Variants in ASPSCR1 observed in about 807,000 individuals in gnomAD.
The protein encoded by ASPSCR1 is ASPSCR1 tether for SLC2A4, UBX domain containing, also known as tether containing UBX domain for GLUT4.
ASPSCR1 carries 55 observed loss-of-function variants against 68.9 expected under a neutral mutation model. The ratio of observed to expected loss-of-function variants is 0.80; its 90% CI spans 0.64 to 1.00. The LOEUF is 1.00. ASPSCR1 is among the 50% of genes least tolerant of loss of function. ASPSCR1 has a pLI of 0.00. For missense variants in ASPSCR1, 765 were observed against 762.2 expected (o/e 1.00, Z -0.04); for synonymous variants, 352 against 332.6 (o/e 1.06, Z -0.63).
chr17:81,996,770 A>G lies in ASPSCR1; in HGVS notation c.857A>G (p.Lys286Arg). ...GGCCCCTCCAAGCCAAAGAAGTCCA[A>G]GTCGGGCCAGGATCCCCAGCAGGAG... ...PGGPSKPKKS[K>R]SGQDPQQEQE... The change falls in exon 7 of 16, where the codon AAG becomes AGG. Residue 286 changes from lysine (K) to arginine (R), a missense_variant. Physicochemically the swap from Lys to Arg is conservative, Grantham distance 26. Coordinates refer to ENST00000306739, the MANE Select transcript of ASPSCR1 (RefSeq NM_024083.4). 6.2e-7 allele frequency: 1 copy of G among 1,612,404 alleles called. No homozygotes were observed.
At chr17:81,978,727 G>A (rs1025763704) in intron 1 of ASPSCR1, 2 of 208,176 alleles carry the variant, frequency 9.6e-6, no homozygotes, top group African/African-American at 2.3e-5. Context: ...GAGGCTGCGC[G>A]GGACCCCTTG....
chr17:82,012,532 TGAGGCCGCTTG>T (rs1388595867), intron 12 of ASPSCR1, among the ~76,000 whole-genome samples: 1 of 152,092 alleles, frequency 6.6e-6, no homozygotes, highest in Non-Finnish European at 1.5e-5. Context: ...CTGCCTGAAC[TGAGGCCGCTTG>T]GAGGTCTCGG....
chr17:81,989,792 C>T (rs1308155946), intron 4 of ASPSCR1, among the ~76,000 whole-genome samples: 2 of 152,178 alleles, frequency 1.3e-5, no homozygotes, highest in African/African-American at 2.4e-5. Context: ...AGCCACACGT[C>T]GGCCATGGAG....
intron 8 of ASPSCR1, 25 bp downstream of exon 8, chr17:82,009,216 G>A (rs775666841): frequency 1.1e-5 from 17 of 1,578,570 alleles, no homozygotes; most frequent in Middle Eastern, 1.7e-4. Flanking sequence ...AGTGCCTCCC[G>A]GCATCTTCGC....
intron 3 of ASPSCR1, among the ~76,000 whole-genome samples, chr17:81,985,116 G>C (rs1324615431): frequency 7.3e-6 from 1 of 136,136 alleles, no homozygotes; most frequent in Non-Finnish European, 1.5e-5. Flanking sequence ...GCACACACCT[G>C]CATGTAAACA....
intron 5 of ASPSCR1, chr17:81,995,235 G>A (rs1205960101): frequency 2.4e-6 from 1 of 424,104 alleles, no homozygotes; most frequent in Non-Finnish European, 4.2e-6. Flanking sequence ...CTCGTCCCTG[G>A]CCTCACAGGG....
At position 82,009,082 on chromosome 17, in the gene ASPSCR1, C is replaced by T; in HGVS notation, c.979C>T (p.Pro327Ser). 5.1e-6 allele frequency: 8 copies of T among 1,581,106 alleles called. No homozygotes were observed. Among genetic ancestry groups the T allele is most frequent in the Non-Finnish European group, 6.9e-6 (8 of 1,164,490 alleles). Residue 327 changes from proline (P) to serine (S), a missense_variant, in exon 8 of 16, where the codon CCC (proline) becomes TCC (serine). By Grantham distance (74) the Pro-to-Ser change is moderately conservative (BLOSUM62 -1). Coordinates refer to ENST00000306739, the MANE Select transcript of ASPSCR1 (RefSeq NM_024083.4). Reference sequence around the variant, plus strand: ...GGACCGGGAGCCGGTGGTGTGCCACCCCGACCTGGAGGAGCGGCTGCAGGC... The same window carrying T: ...GGACCGGGAGCCGGTGGTGTGCCACTCCGACCTGGAGGAGCGGCTGCAGGC... ...PVDREPVVCH[P>S]DLEERLQAWP...
Position 81,985,224 on chromosome 17 carries a change from A to C in ASPSCR1, c.274-283A>C, listed in dbSNP as rs527394841. Among the ~76,000 whole-genome samples the C allele has an allele frequency of 4.1e-5, 6 of 147,906 alleles. No homozygotes were observed. The South Asian group carries it at 1.1e-3, about 27-fold the overall frequency. ...CACACATACCTGCACACAACTGCAC[A>C]CCCCCGCACACACCCACACACACAT... On this transcript the variant is annotated intron_variant, in intron 3 of 15. Transcript: ENST00000306739.
Position 82,009,143 on chromosome 17 carries a change from T to C in ASPSCR1, c.1040T>C (p.Leu347Pro). 2 of 1,610,130 alleles carry C rather than the reference T, an allele frequency of 1.2e-6. No homozygotes were observed. The highest frequency in any genetic ancestry group is 1.7e-6 in the Non-Finnish European group (2 of 1,178,670). The change falls in exon 8 of 16, where the codon CTG (leucine) becomes CCG (proline). Residue 347 changes from leucine to proline, a missense_variant. Physicochemically the swap from Leu to Pro is moderately conservative, Grantham distance 98. Coordinates refer to ENST00000306739, the MANE Select transcript of ASPSCR1 (RefSeq NM_024083.4). ...GAGCTGCCTGATGAGTTCTTTGAGC[T>C]GACGGTGGACGACGTGAGAAGACGC... is the stretch of plus-strand genomic sequence containing the variant. ...PAELPDEFFE[L>P]TVDDVRRRLA... is the part of the protein sequence containing the mutation.
rs1451930469 is a variant in ASPSCR1, at chr17:81,977,752, C to A, written c.102+4C>A. 2 of 1,228,396 alleles carry A rather than the reference C, an allele frequency of 1.6e-6. No homozygotes were observed. Among genetic ancestry groups the A allele is most frequent in the Non-Finnish European group, 2.0e-6 (2 of 984,160 alleles). The allele number at this position is 1,228,396 out of a possible 1,614,324, so 76.1% of individuals were successfully genotyped here. ...GCCGAGCACCGTGCTGCTTCAGGTG[C>A]GGCCGCCCGCCCGGGGCGGACGGGT... On this transcript the variant is annotated splice_donor_region_variant and intron_variant, in intron 1 of 15. Coordinates refer to ENST00000306739, the MANE Select transcript of ASPSCR1 (RefSeq NM_024083.4). The surrounding 1 kb of genome is among the most constrained non-coding windows in gnomAD (Gnocchi z 5.0).
In ASPSCR1 at chr17:82,009,528, G is replaced by C. The variant is rs373997068; in HGVS notation, c.1131G>C (p.Arg377Ser). ...EEAPLVTKAF[R>S]EAQIKEKLER... ...CCCCCTTGGTGACCAAGGCCTTCAGGGAGGCGCAGATAAAGGAGAAGCTGG... is the reference window on the plus strand; with the variant it reads ...CCCCCTTGGTGACCAAGGCCTTCAGCGAGGCGCAGATAAAGGAGAAGCTGG... The change falls in exon 9 of 16, where the codon AGG (arginine) becomes AGC (serine). Residue 377 changes from arginine to serine, a missense_variant. By Grantham distance (110) the Arg-to-Ser change is moderately radical. Transcript: ENST00000306739. 2.5e-6 allele frequency: 4 copies of C among 1,587,544 alleles called. No homozygotes were observed. Among genetic ancestry groups the C allele is most frequent in the Admixed American group, 3.5e-5 (2 of 57,050 alleles).
chr17:81,988,612 T>G (rs985024907), intron 4 of ASPSCR1, among the ~76,000 whole-genome samples: 1 of 152,196 alleles, frequency 6.6e-6, no homozygotes, highest in Non-Finnish European at 1.5e-5. Flanking sequence ...TGTCTGCACG[T>G]ACACCTCATT....
intron 4 of ASPSCR1, among the ~76,000 whole-genome samples, chr17:81,993,003 G>A (rs79086817): frequency 1.3e-5 from 2 of 152,304 alleles, no homozygotes; most frequent in Admixed American, 6.5e-5. Flanking sequence ...TGTCAGAGTC[G>A]GGGCCTGGGT....
At chr17:82,000,812 C>T (rs1039130247) in intron 7 of ASPSCR1, among the ~76,000 whole-genome samples, 4 of 151,940 alleles carry the variant, frequency 2.6e-5, no homozygotes, top group African/African-American at 7.3e-5. Context: ...GGCTGCCCGG[C>T]GCCCCCTGGC....
At chr17:82,014,758 G>A (rs759107268) in intron 12 of ASPSCR1, 32 of 435,808 alleles carry the variant, frequency 7.3e-5, no homozygotes, top group African/African-American at 4.6e-4. Flanking sequence ...GGGGGTTGAC[G>A]TGGGCCTCCT....
chr17:81,996,159 G>A (rs1413114152), intron 6 of ASPSCR1, 94 bp downstream of exon 6: 18 of 1,405,662 alleles, frequency 1.3e-5, no homozygotes, highest in Non-Finnish European at 1.7e-5. Context: ...CAAGTGGGGA[G>A]TAGGTGTACC....
intron 12 of ASPSCR1, chr17:82,013,071 C>G (rs1186856579): frequency 6.6e-6 from 1 of 152,256 alleles, no homozygotes; most frequent in Non-Finnish European, 1.5e-5. Context: ...TGCTCACTGC[C>G]TGGGGCTGCA....
chr17:81,982,767 TCTC>T (rs2041836634), intron 2 of ASPSCR1: 1 of 152,076 alleles, frequency 6.6e-6, no homozygotes. Context: ...TCTTTCTTCT[TCTC>T]TTTTTCTTTT....
intron 7 of ASPSCR1, among the ~76,000 whole-genome samples, chr17:81,998,434 G>A (rs999794952): frequency 6.6e-6 from 1 of 152,132 alleles, no homozygotes; most frequent in South Asian, 2.1e-4. Flanking sequence ...TGCAGCGAAT[G>A]GGCCTCTGGT....
Sources: gnomAD v4.1 joint callset for allele counts (sites outside exome capture counted in the v4.1 genomes callset) on GRCh38, gnomAD v4.1.1 for gene constraint, Gnocchi (gnomAD v3.1) non-coding constraint, MANE v1.5 for transcripts, NCBI Gene and HGNC (gene_info 2026-07-23, HGNC 2026-07-21) for gene names.